Variants in ZDHHC7 observed in about 807,000 individuals in gnomAD.
The protein encoded by ZDHHC7 is zDHHC palmitoyltransferase 7.
In ZDHHC7, 12 loss-of-function variants were observed where a neutral mutation model predicts 34.1. That is an observed-to-expected ratio of 0.35 (90% CI 0.23 to 0.57). The LOEUF (loss-of-function observed/expected upper bound fraction) is 0.57, where lower values mean the gene tolerates loss of function less well. Ranked by LOEUF, ZDHHC7 falls within the 20% of genes least tolerant of loss-of-function variation. The pLI is 0.84. For synonymous variants in ZDHHC7, 185 were observed against 155.4 expected, an observed-to-expected ratio of 1.19 and a Z score of -1.42; for missense variants, 388 against 402.7, an observed-to-expected ratio of 0.96 and a Z score of 0.31.
the ZDHHC7 span, among the ~76,000 whole-genome samples, chr16:85,025,658 T>G: frequency 6.6e-6 from 1 of 152,210 alleles, no homozygotes; most frequent in East Asian, 1.9e-4. Context: ...TCCGCCCGCC[T>G]CGACCTCCCA....
intron 3 of ZDHHC7, among the ~76,000 whole-genome samples, chr16:84,985,952 C>CAAAAAAAAAAAAAAAAAAAAAAA (rs58315276): frequency 1.9e-5 from 1 of 54,028 alleles, no homozygotes. Context: ...GAGACTGTCT[C>CAAAAAAAAAAAAAAAAAAAAAAA]AAAAAAAAAA....
Position 85,007,231 on chromosome 16 carries a change from C to T in ZDHHC7, c.-104+4055G>A, listed in dbSNP as rs570695155. Among the ~76,000 whole-genome samples the T allele has an allele frequency of 1.2e-3, 176 of 151,792 alleles. 1 individual carries two copies. Among genetic ancestry groups the T allele is most frequent in the Non-Finnish European group, 2.0e-3 (136 of 67,976 alleles). ...CTGAGGTCAGGAGTTCAAGATCAGCCTGGCCAACATGGTAAAAACCCGTCT... is the reference window on the plus strand; with the variant it reads ...CTGAGGTCAGGAGTTCAAGATCAGCTTGGCCAACATGGTAAAAACCCGTCT... On this transcript the variant is annotated intron_variant, in intron 1 of 7. Coordinates refer to ENST00000313732, the MANE Select transcript of ZDHHC7 (RefSeq NM_017740.3).
intron 1 of ZDHHC7, among the ~76,000 whole-genome samples, chr16:85,003,775 C>T (rs959837612): frequency 6.6e-6 from 1 of 152,136 alleles, no homozygotes; most frequent in Non-Finnish European, 1.5e-5. Flanking sequence ...AGATCAAAAA[C>T]ATGGCAAAGT....
At chr16:85,003,190 C>G (rs924035750) in intron 1 of ZDHHC7, among the ~76,000 whole-genome samples, 2 of 152,086 alleles carry the variant, frequency 1.3e-5, no homozygotes, top group Non-Finnish European at 2.9e-5. Flanking sequence ...ACTCAGGGCA[C>G]TGAGGGCCCG....
At chr16:85,004,940 G>C (rs568875242) in intron 1 of ZDHHC7, 17 of 152,208 alleles carry the variant, frequency 1.1e-4, no homozygotes, top group Non-Finnish European at 2.2e-4. Flanking sequence ...ACAACTTCAG[G>C]TCCAGAAAAC....
At chr16:85,011,622 G>C (rs905541293), upstream of ZDHHC7, 7 of 152,354 alleles carry the variant, frequency 4.6e-5, no homozygotes, top group South Asian at 1.0e-3. Flanking sequence ...GGTTTGAGGG[G>C]ACCCGGAGGC....
At chr16:84,984,217 C>T (rs1319143900) in intron 3 of ZDHHC7, among the ~76,000 whole-genome samples, 4 of 151,812 alleles carry the variant, frequency 2.6e-5, no homozygotes, top group Non-Finnish European at 1.5e-5. Flanking sequence ...GACGGGGTTT[C>T]GCCGTGTTGG....
intron 1 of ZDHHC7, among the ~76,000 whole-genome samples, chr16:85,008,269 A>C (rs1323359422): frequency 3.9e-5 from 6 of 151,990 alleles, no homozygotes; most frequent in Non-Finnish European, 7.4e-5. Flanking sequence ...CCATGTGGGC[A>C]ATCAATCAAT....
rs778314325 is a variant in ZDHHC7 at position 84,977,908 on chromosome 16, T to C, written c.619+16A>G. ...AGCATGCAAAGCCAGGAATGACACA[T>C]AGCCAGGGAACTTACCAGTCCACTG... is the stretch of plus-strand genomic sequence containing the variant. On this transcript the variant is annotated intron_variant, in intron 6 of 7. Coordinates refer to ENST00000313732, the MANE Select transcript of ZDHHC7 (RefSeq NM_017740.3). 2.5e-6 allele frequency: 4 copies of C among 1,603,338 alleles called. No individual in the cohort carries two copies. Among genetic ancestry groups the C allele is most frequent in the Admixed American group, 1.7e-5 (1 of 59,398 alleles).
At position 84,974,447 on chromosome 16, in the gene ZDHHC7, G is replaced by C. The variant is rs1597524119; in HGVS notation, c.*1896C>G. On this transcript the variant is annotated 3_prime_UTR_variant, in exon 8 of 8. Transcript: ENST00000313732. ...ACACCACCATCCAGGAAGAACGGGC[G>C]CTTTGGAAGCCATTTGAGAACTGTT... 1 of 152,168 alleles carries C rather than the reference G, an allele frequency of 6.6e-6. No individual in the cohort carries two copies. The highest frequency in any genetic ancestry group is 2.4e-5 in the African/African-American group (1 of 41,430). The allele number at this position is 152,168 out of a possible 1,614,324, so 9.4% of individuals were successfully genotyped here.
intron 1 of ZDHHC7, among the ~76,000 whole-genome samples, chr16:85,009,010 A>C (rs2072754289): frequency 6.6e-6 from 1 of 150,562 alleles, no homozygotes; most frequent in Non-Finnish European, 1.5e-5. Context: ...GAGCCACTGC[A>C]CTCCAGCCTG....
At chr16:85,014,774 C>T (rs1359924968), upstream of ZDHHC7, among the ~76,000 whole-genome samples, 1 of 152,104 alleles carries the variant, frequency 6.6e-6, no homozygotes, top group Non-Finnish European at 1.5e-5. Context: ...GGACACAGCC[C>T]CAGGGGATTC....
the ZDHHC7 span, among the ~76,000 whole-genome samples, chr16:85,019,335 C>G: frequency 6.6e-6 from 1 of 152,162 alleles, no homozygotes; most frequent in Non-Finnish European, 1.5e-5. Context: ...TTCACTGTGT[C>G]CCCACTGCCT....
At chr16:84,980,447 A>G (rs2072353216) in intron 4 of ZDHHC7, among the ~76,000 whole-genome samples, 1 of 152,028 alleles carries the variant, frequency 6.6e-6, no homozygotes, top group Admixed American at 6.5e-5. Context: ...AGGCAGGTGG[A>G]TCACCTGAAG....
At chr16:85,013,132 T>C (rs1462053337), upstream of ZDHHC7, among the ~76,000 whole-genome samples, 1 of 150,306 alleles carries the variant, frequency 6.7e-6, no homozygotes, top group Non-Finnish European at 1.5e-5. Flanking sequence ...CAAACCTTAC[T>C]CTATTAAGTT....
chr16:84,983,987 C>T (rs1432784770), intron 3 of ZDHHC7, among the ~76,000 whole-genome samples: 1 of 142,606 alleles, frequency 7.0e-6, no homozygotes, highest in Admixed American at 6.9e-5. Context: ...AAAATTTTTA[C>T]TTAACTTACA....
chr16:85,003,845 G>A (rs962557042), intron 1 of ZDHHC7, among the ~76,000 whole-genome samples: 2 of 152,232 alleles, frequency 1.3e-5, no homozygotes, highest in Admixed American at 6.5e-5. Flanking sequence ...ACCAGTCTCA[G>A]GAGTGAGGGG....
the ZDHHC7 span, among the ~76,000 whole-genome samples, chr16:85,020,093 C>T: frequency 6.6e-6 from 1 of 152,210 alleles, no homozygotes; most frequent in East Asian, 1.9e-4. Flanking sequence ...TGCGCCACAC[C>T]CCTCTGGAAA....
chr16:84,998,838 C>G (rs2072618649), intron 1 of ZDHHC7, among the ~76,000 whole-genome samples: 1 of 149,296 alleles, frequency 6.7e-6, no homozygotes. Flanking sequence ...ACCGCAACTT[C>G]CGCCTCTGGG....
Sources: allele counts gnomAD v4.1 joint callset (sites outside exome capture counted in the v4.1 genomes callset), GRCh38; gene constraint gnomAD v4.1.1; transcripts MANE v1.5; gene names NCBI Gene and HGNC (gene_info 2026-07-23, HGNC 2026-07-21).